The following FPR3 variants were observed in gnomAD, a reference collection of about 807,000 sequenced individuals.
The protein encoded by FPR3 is N-formyl peptide receptor 3.
For missense variants in FPR3, 346 were observed against 443.2 expected (o/e 0.78, Z 1.97); for synonymous variants, 135 against 163.6 (o/e 0.83, Z 1.34).
chr19:51,822,059 C>G (rs1444118505), intron 1 of FPR3, among the ~76,000 whole-genome samples: 1 of 152,184 alleles, frequency 6.6e-6, no homozygotes, highest in East Asian at 1.9e-4. Context: ...GCCCACAGAC[C>G]ACAGTATAAG....
intron 1 of FPR3, among the ~76,000 whole-genome samples, chr19:51,796,429 A>G (rs1178609435): frequency 6.6e-6 from 1 of 152,218 alleles, no homozygotes; most frequent in African/African-American, 2.4e-5. Flanking sequence ...ATCGGAAGGT[A>G]TTGCGAATAA....
chr19:51,804,638 T>C (rs945303018), intron 1 of FPR3, among the ~76,000 whole-genome samples: 3 of 152,112 alleles, frequency 2.0e-5, no homozygotes, highest in African/African-American at 7.2e-5. Context: ...AATGCTCAAA[T>C]TGACAAAAAT....
intron 1 of FPR3, chr19:51,817,919 G>C (rs1359388486): frequency 6.6e-6 from 1 of 152,044 alleles, no homozygotes; most frequent in Non-Finnish European, 1.5e-5. Context: ...GAGCAGGGCT[G>C]TGCGATGAAG....
intron 1 of FPR3, among the ~76,000 whole-genome samples, chr19:51,818,351 C>T (rs1192304504): frequency 1.3e-5 from 2 of 152,078 alleles, no homozygotes; most frequent in Non-Finnish European, 2.9e-5. Context: ...ACATGGTTAC[C>T]TGAAAACTAT....
intron 1 of FPR3, among the ~76,000 whole-genome samples, chr19:51,800,397 A>G (rs191003774): frequency 1.3e-5 from 2 of 152,364 alleles, no homozygotes; most frequent in Admixed American, 6.5e-5. Context: ...ATTTATGTCC[A>G]GTATAAACCT....
At chr19:51,810,062 T>C (rs2084086198) in intron 1 of FPR3, among the ~76,000 whole-genome samples, 1 of 152,182 alleles carries the variant, frequency 6.6e-6, no homozygotes, top group Non-Finnish European at 1.5e-5. Context: ...GTAAGGTCCT[T>C]TCTGTACTGA....
chr19:51,814,101 C>T (rs574223303), intron 1 of FPR3, among the ~76,000 whole-genome samples: 15 of 152,126 alleles, frequency 9.9e-5, no homozygotes, highest in Non-Finnish European at 2.1e-4. Flanking sequence ...GGTTTATGTG[C>T]TTCATATGTT....
intron 1 of FPR3, among the ~76,000 whole-genome samples, chr19:51,809,124 C>A (rs531866120): frequency 2.6e-5 from 4 of 152,352 alleles, no homozygotes; most frequent in Admixed American, 2.6e-4. Flanking sequence ...CATTTTAAAT[C>A]CTGGGTTATC....
At chr19:51,797,303 C>G (rs1274864932) in intron 1 of FPR3, among the ~76,000 whole-genome samples, 1 of 145,146 alleles carries the variant, frequency 6.9e-6, no homozygotes, top group Non-Finnish European at 1.6e-5. Flanking sequence ...GAATTAGAGA[C>G]ATTCTCTTTG....
chr19:51,824,687 G>A lies in FPR3; in HGVS notation c.939G>A (p.Leu313=). Residue 313 remains leucine (L), a synonymous_variant, in exon 2 of 2, where the codon CTG becomes CTA. Transcript: ENST00000339223. The surrounding 1 kb of genome is among the most constrained non-coding windows in gnomAD (Gnocchi z 4.7). ...TGGGTCGTAACTTCCAAGAAAGACT[G>A]ATTCGCTCTTTGCCCACTAGTTTGG... ...VFMGRNFQER[L]IRSLPTSLER... 6.2e-7 allele frequency: 1 copy of A among 1,614,096 alleles called. No homozygotes were observed. The highest frequency in any genetic ancestry group is 8.5e-7 in the Non-Finnish European group (1 of 1,180,010).
At chr19:51,804,022 T>C (rs1240752516) in intron 1 of FPR3, 2 of 152,182 alleles carry the variant, frequency 1.3e-5, no homozygotes, top group African/African-American at 4.8e-5. Flanking sequence ...GCTCTACTTC[T>C]TCTATTTGGA....
chr19:51,803,530 T>C (rs2084038597), intron 1 of FPR3, among the ~76,000 whole-genome samples: 1 of 151,950 alleles, frequency 6.6e-6, no homozygotes, highest in Admixed American at 6.6e-5. Flanking sequence ...GTTCTGTGCA[T>C]TTCCAAGGCA....
At chr19:51,808,028 C>G (rs1461711564) in intron 1 of FPR3, among the ~76,000 whole-genome samples, 1 of 152,184 alleles carries the variant, frequency 6.6e-6, no homozygotes, top group Non-Finnish European at 1.5e-5. Flanking sequence ...GAAGAATAAA[C>G]AAAAGCAAAG....
At chr19:51,822,356 G>C (rs1360675749) in intron 1 of FPR3, among the ~76,000 whole-genome samples, 1 of 152,150 alleles carries the variant, frequency 6.6e-6, no homozygotes. Context: ...AGATGGAGGA[G>C]GGATACCTTC....
intron 1 of FPR3, among the ~76,000 whole-genome samples, chr19:51,820,994 A>G (rs1019153452): frequency 6.6e-6 from 1 of 152,164 alleles, no homozygotes; most frequent in Admixed American, 6.5e-5. Context: ...CACTATTGCT[A>G]TGAGCATTGT....
chr19:51,815,000 G>T (rs111884020), intron 1 of FPR3, among the ~76,000 whole-genome samples: 3,183 of 151,660 alleles, frequency 0.021, 123 homozygotes, highest in African/African-American at 0.074. Context: ...AGTAGAGGCG[G>T]GGTTTCACCT....
chr19:51,810,024 T>C (rs548005050), intron 1 of FPR3, among the ~76,000 whole-genome samples: 11 of 152,268 alleles, frequency 7.2e-5, no homozygotes, highest in African/African-American at 2.4e-4. Flanking sequence ...AGTCCTGGCA[T>C]TTTTTCCACT....
At chr19:51,808,333 G>A (rs1475850135) in intron 1 of FPR3, among the ~76,000 whole-genome samples, 1 of 152,124 alleles carries the variant, frequency 6.6e-6, no homozygotes, top group Admixed American at 6.5e-5. Context: ...TATTGGTATG[G>A]GGAAGTTGTT....
intron 1 of FPR3, among the ~76,000 whole-genome samples, chr19:51,798,529 G>A (rs1044547805): frequency 2.6e-5 from 4 of 152,280 alleles, no homozygotes; most frequent in African/African-American, 4.8e-5. Context: ...TTTATTATAC[G>A]AGGGCAGGAC....
Sources: gnomAD v4.1 joint callset for allele counts (sites outside exome capture counted in the v4.1 genomes callset) on GRCh38, gnomAD v4.1.1 for gene constraint, Gnocchi (gnomAD v3.1) non-coding constraint, MANE v1.5 for transcripts, NCBI Gene and HGNC (gene_info 2026-07-23, HGNC 2026-07-21) for gene names.